Variants in FOXO3 observed in about 807,000 individuals in gnomAD.
The protein encoded by FOXO3 is forkhead box protein O3.
Under a neutral mutation model 41.9 loss-of-function variants are expected in FOXO3, and 4 were observed. The ratio of observed to expected loss-of-function variants is 0.10; its 90% CI spans 0.05 to 0.22. The LOEUF is 0.22. Among genes scored for constraint, FOXO3 ranks in the 10% least tolerant of loss-of-function variants. The probability of loss-of-function intolerance (pLI) is 1.00; values close to 1 mark genes in which losing one functional copy is unlikely to be tolerated. For synonymous variants in FOXO3, 318 were observed against 389.3 expected, an observed-to-expected ratio of 0.82 and a Z score of 2.16; for missense variants, 534 against 906.8, an observed-to-expected ratio of 0.59 and a Z score of 5.28.
Position 108,582,142 on chromosome 6 carries a change from A to G in FOXO3, c.621+20313A>G, listed in dbSNP as rs566518933. Among the ~76,000 whole-genome samples, 11 of 152,378 alleles carry G rather than the reference A, an allele frequency of 7.2e-5. 1 individual carries two copies. The South Asian group carries it at 2.3e-3, about 32-fold the overall frequency. ...TCCTGCACTCCTAACCCTCACAGGA[A>G]TAAAGGACATTGGCCCTTTCTTCAC... On this transcript the variant is annotated intron_variant, in intron 1 of 2. Transcript: ENST00000406360.
At chr6:108,600,684 GTTGA>G (rs1279205558) in intron 1 of FOXO3, among the ~76,000 whole-genome samples, 4 of 151,954 alleles carry the variant, frequency 2.6e-5, no homozygotes, top group Admixed American at 2.6e-4. Context: ...TTCCTGGTTG[GTTGA>G]TTGGAATGAT....
chr6:108,606,524 C>G (rs893678626), intron 1 of FOXO3, among the ~76,000 whole-genome samples: 1 of 152,180 alleles, frequency 6.6e-6, no homozygotes, highest in Non-Finnish European at 1.5e-5. Context: ...TCTCGAGTTC[C>G]AAGTGTCTGC....
At chr6:108,567,518 C>A (rs1406853582) in intron 1 of FOXO3, among the ~76,000 whole-genome samples, 1 of 152,158 alleles carries the variant, frequency 6.6e-6, no homozygotes, top group African/African-American at 2.4e-5. Context: ...TAAAAGAGAT[C>A]TTAAAGATCA....
At chr6:108,564,239 C>A (rs905737593) in intron 1 of FOXO3, among the ~76,000 whole-genome samples, 1 of 152,102 alleles carries the variant, frequency 6.6e-6, no homozygotes, top group East Asian at 1.9e-4. Context: ...TGGAGAAGGC[C>A]CTTTGAAACT....
At chr6:108,635,399 G>A (rs1778094965) in intron 1 of FOXO3, among the ~76,000 whole-genome samples, 1 of 152,086 alleles carries the variant, frequency 6.6e-6, no homozygotes, top group South Asian at 2.1e-4. Context: ...AATACGAAGG[G>A]TATTTCACCT....
intron 1 of FOXO3, among the ~76,000 whole-genome samples, chr6:108,628,424 T>A (rs1223515212): frequency 6.6e-6 from 1 of 152,228 alleles, no homozygotes; most frequent in Non-Finnish European, 1.5e-5. Context: ...AGATAAAGCA[T>A]GAGCTCAGCA....
intron 2 of FOXO3, among the ~76,000 whole-genome samples, chr6:108,678,890 T>TTTTTTTTTGTTTC (rs368405598): frequency 8.7e-6 from 1 of 115,334 alleles, no homozygotes; most frequent in Non-Finnish European, 1.8e-5. Flanking sequence ...TTTTTTTTTT[T>TTTTTTTTTGTTTC]TGAGACGGAG....
chr6:108,656,495 G>T, intron 1 of FOXO3: 1 of 985,282 alleles, frequency 1.0e-6, no homozygotes, highest in Middle Eastern at 5.2e-4. Flanking sequence ...GGAAGGGGCC[G>T]CCCTGGAACC....
At chr6:108,622,256 C>CAAAA (rs984779744) in intron 1 of FOXO3, among the ~76,000 whole-genome samples, 1 of 48,462 alleles carries the variant, frequency 2.1e-5, no homozygotes, top group Non-Finnish European at 4.2e-5. Context: ...AAGACTGTCT[C>CAAAA]AAAAAAAAAA....
chr6:108,618,070 G>T, intron 1 of FOXO3: 1 of 729,592 alleles, frequency 1.4e-6, no homozygotes, highest in Non-Finnish European at 2.5e-6. Context: ...CAACTGTACA[G>T]GTGTGTCTTT....
At chr6:108,567,920 T>G (rs1775989117) in intron 1 of FOXO3, among the ~76,000 whole-genome samples, 3 of 152,102 alleles carry the variant, frequency 2.0e-5, no homozygotes, top group African/African-American at 7.2e-5. Context: ...TCGTGGCGCA[T>G]GCCTGTAATC....
intron 1 of FOXO3, among the ~76,000 whole-genome samples, chr6:108,568,353 TCTC>T (rs1776002874): frequency 6.6e-6 from 1 of 152,022 alleles, no homozygotes; most frequent in Admixed American, 6.5e-5. Context: ...GTCTTCTGCT[TCTC>T]CTCCCCTCTT....
chr6:108,664,052 C>G lies in FOXO3; in HGVS notation c.1219C>G (p.Leu407Val). ...ATCCCAGCCATCGCCCACTGGGGGA[C>G]TCATGCAGCGGAGCTCTAGCTTCCC... is the stretch of plus-strand genomic sequence containing the variant. ...PPSQPSPTGG[L>V]MQRSSSFPYT... The change falls in exon 2 of 3, where the codon CTC becomes GTC. Residue 407 changes from leucine (L) to valine (V), a missense_variant. Physicochemically the swap from Leu to Val is conservative, Grantham distance 32. Transcript: ENST00000406360. The G allele has an allele frequency of 1.2e-6, 2 of 1,614,214 alleles. No individual in the cohort carries two copies.
At chr6:108,644,129 G>A (rs1449370144) in intron 1 of FOXO3, among the ~76,000 whole-genome samples, 1 of 152,120 alleles carries the variant, frequency 6.6e-6, no homozygotes, top group Non-Finnish European at 1.5e-5. Context: ...CTCCCTCTCT[G>A]AGGCCCTCAC....
chr6:108,578,997 T>C (rs1239997437), intron 1 of FOXO3, among the ~76,000 whole-genome samples: 1 of 152,188 alleles, frequency 6.6e-6, no homozygotes, highest in Non-Finnish European at 1.5e-5. Context: ...CATGATCAGC[T>C]AGCTATATCA....
intron 1 of FOXO3, among the ~76,000 whole-genome samples, chr6:108,657,493 T>G (rs893190383): frequency 2.0e-5 from 3 of 152,188 alleles, no homozygotes; most frequent in African/African-American, 7.2e-5. Flanking sequence ...GGAAGGCACA[T>G]CCCTAGTTCT....
intron 2 of FOXO3, among the ~76,000 whole-genome samples, chr6:108,678,084 A>G (rs1935949): frequency 0.54 from 82,738 of 152,064 alleles, 26,517 homozygotes; most frequent in East Asian, 0.71. Flanking sequence ...AAATATGACC[A>G]TGGGCATGTA....
chr6:108,668,892 C>T (rs758181808), intron 2 of FOXO3, among the ~76,000 whole-genome samples: 4 of 152,012 alleles, frequency 2.6e-5, no homozygotes, highest in African/African-American at 9.7e-5. Flanking sequence ...TTTGGGAGGC[C>T]GAGACGGGTG....
intron 1 of FOXO3, among the ~76,000 whole-genome samples, chr6:108,613,506 T>C (rs1470218574): frequency 6.6e-6 from 1 of 152,170 alleles, no homozygotes; most frequent in Non-Finnish European, 1.5e-5. Flanking sequence ...AGTTGTCTAA[T>C]TTATGGGCAT....
Sources: gnomAD v4.1 joint callset for allele counts (sites outside exome capture counted in the v4.1 genomes callset) on GRCh38, gnomAD v4.1.1 for gene constraint, MANE v1.5 for transcripts, NCBI Gene and HGNC (gene_info 2026-07-23, HGNC 2026-07-21) for gene names.